The following C17orf107 variants were observed in gnomAD, a reference collection of about 807,000 sequenced individuals.
C17orf107 encodes the protein uncharacterized protein C17orf107.
A neutral mutation model predicts 8.9 loss-of-function variants in C17orf107; 9 were observed. The observed-to-expected ratio is 1.02, with a 90% CI of 0.61 to 1.77. C17orf107 has a LOEUF of 1.77. Ranked by LOEUF, C17orf107 falls within the 40% of genes most tolerant of loss-of-function variation. The pLI, the probability that C17orf107 is intolerant of heterozygous loss-of-function variation, is 0.00. For synonymous variants in C17orf107, 139 were observed against 120.3 expected (o/e 1.16, Z -1.02); for missense variants, 281 against 249.0 (o/e 1.13, Z -0.86).
chr17:4,902,388 G>T lies in C17orf107; in HGVS notation c.*1855G>T, dbSNP rs954283730. 3.1e-6 allele frequency: 5 copies of T among 1,613,452 alleles called. No individual in the cohort carries two copies. Among genetic ancestry groups the T allele is most frequent in the Non-Finnish European group, 4.2e-6 (5 of 1,179,486 alleles). On this transcript the variant is annotated 3_prime_UTR_variant, in exon 3 of 3. Coordinates refer to ENST00000381365, the MANE Select transcript of C17orf107 (RefSeq NM_001145536.2). This position sits in a 1 kb window ranked among gnomAD's most constrained non-coding sequence, Gnocchi z 4.0. ...TCTCCCACCTGGCGCTGCCTGGGAG[G>T]GGTTTGGGGGAAAAGGGGTGCCCTG...
chr17:4,902,966 T>C, downstream of C17orf107: 1 of 1,610,766 alleles, frequency 6.2e-7, no homozygotes, highest in Non-Finnish European at 8.5e-7. The surrounding 1 kb of genome is among the most constrained non-coding windows in gnomAD (Gnocchi z 4.0). Flanking sequence ...TCCCAGTCCC[T>C]TCATGTCAGT....
downstream of C17orf107, among the ~76,000 whole-genome samples, chr17:4,904,060 T>C (rs1030826279): frequency 6.6e-6 from 1 of 152,108 alleles, no homozygotes; most frequent in Non-Finnish European, 1.5e-5. Flanking sequence ...GGTTTCACCA[T>C]GTTAGCCAGG....
Position 4,902,184 on chromosome 17 carries a change from T to C in C17orf107, c.*1651T>C, listed in dbSNP as rs766320275. ...GTCCAGCCCGCACCCCAGGCCGGCT[T>C]CCCTCCAGCCTGGCGTCTGGCCCGG... On this transcript the variant is annotated 3_prime_UTR_variant, in exon 3 of 3. Coordinates refer to ENST00000381365, the MANE Select transcript of C17orf107 (RefSeq NM_001145536.2). This position sits in a 1 kb window ranked among gnomAD's most constrained non-coding sequence, Gnocchi z 4.0. 3.9e-5 allele frequency: 63 copies of C among 1,613,322 alleles called. No individual in the cohort carries two copies. In the East Asian group the frequency reaches 4.2e-4, roughly 11 times the overall value.
chr17:4,902,060 G>C lies in C17orf107; in HGVS notation c.*1527G>C, dbSNP rs894382905. The stretch of plus-strand genomic sequence containing the variant: ...CCTCGTAGACGAGCACGTTGGCGTC[G>C]TAGGCCACTCCGAACTGGCCATCAA... On this transcript the variant is annotated 3_prime_UTR_variant, in exon 3 of 3. Coordinates refer to ENST00000381365, the MANE Select transcript of C17orf107 (RefSeq NM_001145536.2). The surrounding 1 kb of genome is among the most constrained non-coding windows in gnomAD (Gnocchi z 4.0). The C allele has an allele frequency of 1.2e-6, 2 of 1,614,058 alleles. No homozygotes were observed. Among genetic ancestry groups the C allele is most frequent in the Non-Finnish European group, 8.5e-7 (1 of 1,180,040 alleles).
downstream of C17orf107, among the ~76,000 whole-genome samples, chr17:4,904,791 C>A (rs545361840): frequency 1.8e-4 from 27 of 152,310 alleles, no homozygotes; most frequent in South Asian, 5.6e-3. Flanking sequence ...GTCATAATCA[C>A]CTCCATGTTA....
downstream of C17orf107, among the ~76,000 whole-genome samples, chr17:4,905,439 C>T (rs1970080250): frequency 6.6e-6 from 1 of 152,188 alleles, no homozygotes; most frequent in Admixed American, 6.5e-5. Flanking sequence ...ATGGTGCATG[C>T]CTGTAGTCCC....
At chr17:4,903,223 T>TGAAG, downstream of C17orf107, 1 of 763,504 alleles carries the variant, frequency 1.3e-6, no homozygotes, top group South Asian at 1.5e-5. Context: ...ACATTTTGGC[T>TGAAG]GCTTCCAGAG....
chr17:4,901,884 G>GT lies in C17orf107; in HGVS notation c.*1351_*1352insT. On this transcript the variant is annotated 3_prime_UTR_variant, in exon 3 of 3. Transcript: ENST00000381365. Reference sequence around the variant, plus strand: ...TTCCCGGTTGGCCCCGCCCCATAAGGCCCCCCCCCAACAATAATCGTCCGG... The same window carrying GT: ...TTCCCGGTTGGCCCCGCCCCATAAGGTCCCCCCCCCAACAATAATCGTCCGG... 2.0e-6 allele frequency: 3 copies of GT among 1,526,282 alleles called. No individual in the cohort carries two copies. Among genetic ancestry groups the GT allele is most frequent in the South Asian group, 1.1e-5 (1 of 89,440 alleles). The allele number at this position is 1,526,282 out of a possible 1,614,324, so 94.5% of individuals were successfully genotyped here.
rs1376991526 is a variant in C17orf107 at position 4,901,510 on chromosome 17, A to T, written c.*977A>T. The T allele has an allele frequency of 6.2e-7, 1 of 1,612,852 alleles. No homozygotes were observed. The highest frequency in any genetic ancestry group is 1.3e-5 in the African/African-American group (1 of 74,904). ...CGTCTAGAAGCGGGTTTTTCTGAGCAGGCAGGGGCTTCACCAGTATAGGCC... is the reference window on the plus strand; with the variant it reads ...CGTCTAGAAGCGGGTTTTTCTGAGCTGGCAGGGGCTTCACCAGTATAGGCC... On this transcript the variant is annotated 3_prime_UTR_variant, in exon 3 of 3. Coordinates refer to ENST00000381365, the MANE Select transcript of C17orf107 (RefSeq NM_001145536.2).
rs79436576 is a variant in C17orf107 at position 4,901,872 on chromosome 17, C to T, written c.*1339C>T. The T allele has an allele frequency of 0.056, 79,364 of 1,423,522 alleles. 3,875 individuals carry two copies. Among genetic ancestry groups the T allele is most frequent in the Non-Finnish European group, 0.057 (57,460 of 1,011,576 alleles). 88.2% of individuals were successfully genotyped at this position (1,423,522 alleles called of 1,614,324 possible). A position where few individuals can be genotyped will look rare whatever the true frequency, so the allele number is the denominator to read the frequency against. On this transcript the variant is annotated 3_prime_UTR_variant, in exon 3 of 3. Transcript: ENST00000381365. ...CGAGGGCGGTGCTTCCCGGTTGGCC[C>T]CGCCCCATAAGGCCCCCCCCCAACA...
In C17orf107 at chr17:4,902,566, C is replaced by T. The variant is rs973182797; in HGVS notation, c.*2033C>T. On this transcript the variant is annotated 3_prime_UTR_variant, in exon 3 of 3. Coordinates refer to ENST00000381365, the MANE Select transcript of C17orf107 (RefSeq NM_001145536.2). This position sits in a 1 kb window ranked among gnomAD's most constrained non-coding sequence, Gnocchi z 4.0. ...AAGTGAGCTTTAGGACAGAGCTCAG[C>T]GGTTGGGGCCAGAAGTGGGATTTTT... The T allele has an allele frequency of 5.6e-6, 9 of 1,613,956 alleles. No individual in the cohort carries two copies. In the East Asian group the frequency reaches 8.9e-5, roughly 16 times the overall value.
At chr17:4,903,309 C>A (rs1242927941), downstream of C17orf107, among the ~76,000 whole-genome samples, 1 of 152,108 alleles carries the variant, frequency 6.6e-6, no homozygotes, top group African/African-American at 2.4e-5. Context: ...TTGGCCAACT[C>A]CCCAGCCACA....
chr17:4,900,196 G>A, intron 2 of C17orf107, 41 bp from the exon 3 acceptor site: 1 of 1,543,564 alleles, frequency 6.5e-7, no homozygotes, highest in South Asian at 1.2e-5. Flanking sequence ...GCGGGAACAA[G>A]GACCTCTGCC....
chr17:4,902,905 T>G lies in C17orf107; in HGVS notation c.*2372T>G. On this transcript the variant is annotated 3_prime_UTR_variant, in exon 3 of 3. Transcript: ENST00000381365. The surrounding 1 kb of genome is among the most constrained non-coding windows in gnomAD (Gnocchi z 4.0). ...TCTCCTAAACCAATTATGCTGTGCC[T>G]GGGAACGAAATACTGTGTCTAAGTC... 1 of 1,584,776 alleles carries G rather than the reference T, an allele frequency of 6.3e-7. No individual in the cohort carries two copies. The highest frequency in any genetic ancestry group is 8.7e-7 in the Non-Finnish European group (1 of 1,154,124).
downstream of C17orf107, among the ~76,000 whole-genome samples, chr17:4,905,635 T>A (rs1170290595): frequency 4.6e-5 from 7 of 151,734 alleles, no homozygotes; most frequent in Admixed American, 1.3e-4. Context: ...CCAAGGCAGG[T>A]GGACCACCTG....
chr17:4,900,830 T>G lies in C17orf107; in HGVS notation c.*297T>G. 6.2e-7 allele frequency: 1 copy of G among 1,614,080 alleles called. No homozygotes were observed. Among genetic ancestry groups the G allele is most frequent in the Non-Finnish European group, 8.5e-7 (1 of 1,179,980 alleles). ...GGCACGCTCAGAGAAGTCTCTGGGA[T>G]TTTCTGGGCAATGAGGAACAAGAAG... is the stretch of plus-strand genomic sequence containing the variant. On this transcript the variant is annotated 3_prime_UTR_variant, in exon 3 of 3. Transcript: ENST00000381365.
Position 4,901,229 on chromosome 17 carries a change from G to A in C17orf107, c.*696G>A, listed in dbSNP as rs1457550562. 3 of 1,588,496 alleles carry A rather than the reference G, an allele frequency of 1.9e-6. No individual in the cohort carries two copies. In the South Asian group the frequency reaches 3.3e-5, roughly 18 times the overall value. ...GCACGGTCAGCTGGCTGTCAGAGCG[G>A]GGCGCCCGCCGAGCTGACAGCGGGC... On this transcript the variant is annotated 3_prime_UTR_variant, in exon 3 of 3. Coordinates refer to ENST00000381365, the MANE Select transcript of C17orf107 (RefSeq NM_001145536.2).
chr17:4,901,884 G>GCCC lies in C17orf107; in HGVS notation c.*1358_*1360dup, dbSNP rs113559784. ...TTCCCGGTTGGCCCCGCCCCATAAG[G>GCCC]CCCCCCCCCAACAATAATCGTCCGG... On this transcript the variant is annotated 3_prime_UTR_variant, in exon 3 of 3. Transcript: ENST00000381365. 965 of 1,526,096 alleles carry GCCC rather than the reference G, an allele frequency of 6.3e-4. 6 individuals carry two copies. The highest frequency in any genetic ancestry group is 6.0e-3 in the African/African-American group (423 of 70,066). The allele number at this position is 1,526,096 out of a possible 1,614,324, so 94.5% of individuals were successfully genotyped here. A position where few individuals can be genotyped will look rare whatever the true frequency, so the allele number is the denominator to read the frequency against.
Position 4,902,613 on chromosome 17 carries a change from T to TA in C17orf107, c.*2081dup. ...TTTTGGCTTAAGATGAGGGTGGGGGTAGCTTACCAGTGAGATGAGATTCGT... is the reference window on the plus strand; with the variant it reads ...TTTTGGCTTAAGATGAGGGTGGGGGTAAGCTTACCAGTGAGATGAGATTCGT... On this transcript the variant is annotated 3_prime_UTR_variant, in exon 3 of 3. Coordinates refer to ENST00000381365, the MANE Select transcript of C17orf107 (RefSeq NM_001145536.2). The surrounding 1 kb of genome is among the most constrained non-coding windows in gnomAD (Gnocchi z 4.0). 1 of 1,613,622 alleles carries TA rather than the reference T, an allele frequency of 6.2e-7. No homozygotes were observed. Among genetic ancestry groups the TA allele is most frequent in the Non-Finnish European group, 8.5e-7 (1 of 1,179,894 alleles).
Sources: allele counts gnomAD v4.1 joint callset (sites outside exome capture counted in the v4.1 genomes callset), GRCh38; gene constraint gnomAD v4.1.1; non-coding constraint Gnocchi (gnomAD v3.1); transcripts MANE v1.5; gene names NCBI Gene and HGNC (gene_info 2026-07-23, HGNC 2026-07-21).